The following CTNND2 variants were observed in gnomAD, a reference collection of about 807,000 sequenced individuals.
The protein encoded by CTNND2 is catenin delta 2.
In CTNND2, 22 loss-of-function variants were observed where a neutral mutation model predicts 144.4. The ratio of observed to expected loss-of-function variants is 0.15; its 90% CI spans 0.11 to 0.22. The LOEUF (loss-of-function observed/expected upper bound fraction) is 0.22, where lower values mean the gene tolerates loss of function less well. CTNND2 is among the 10% of genes least tolerant of loss of function. The pLI is 1.00. For synonymous variants in CTNND2, 751 were observed against 695.6 expected, an observed-to-expected ratio of 1.08 and a Z score of -1.25; for missense variants, 1,353 against 1,618.8, an observed-to-expected ratio of 0.84 and a Z score of 2.82.
At chr5:11,648,052 C>T (rs1782455884) in intron 2 of CTNND2, among the ~76,000 whole-genome samples, 1 of 151,946 alleles carries the variant, frequency 6.6e-6, no homozygotes, top group African/African-American at 2.4e-5. Flanking sequence ...TAGTACATTT[C>T]TATTCTATTG....
At chr5:11,719,430 C>G (rs944000280) in intron 2 of CTNND2, among the ~76,000 whole-genome samples, 2 of 151,756 alleles carry the variant, frequency 1.3e-5, no homozygotes, top group African/African-American at 4.9e-5. Flanking sequence ...CAAGTCCTTA[C>G]CTAGACTTGT....
At chr5:11,804,930 AGGT>A (rs1171147824) in intron 1 of CTNND2, among the ~76,000 whole-genome samples, 1 of 152,206 alleles carries the variant, frequency 6.6e-6, no homozygotes, top group Admixed American at 6.5e-5. Flanking sequence ...TCACTGAAGA[AGGT>A]GAGAAAAGAA....
intron 3 of CTNND2, among the ~76,000 whole-genome samples, chr5:11,484,932 T>C (rs1001074143): frequency 3.3e-5 from 5 of 152,176 alleles, no homozygotes; most frequent in East Asian, 1.9e-4. Flanking sequence ...GAGGTGAAAG[T>C]ATGAAAAATG....
At chr5:11,699,790 C>T (rs1163180660) in intron 2 of CTNND2, among the ~76,000 whole-genome samples, 1 of 152,180 alleles carries the variant, frequency 6.6e-6, no homozygotes, top group East Asian at 1.9e-4. Context: ...CTAACTTGTA[C>T]CTGTCCTGGA....
At chr5:11,539,035 T>C (rs773223228) in intron 3 of CTNND2, among the ~76,000 whole-genome samples, 1 of 152,210 alleles carries the variant, frequency 6.6e-6, no homozygotes, top group Non-Finnish European at 1.5e-5. Flanking sequence ...TTGCCATTAA[T>C]TGTTGCTCCC....
chr5:11,023,797 T>C (rs922420523), intron 16 of CTNND2, among the ~76,000 whole-genome samples: 3 of 152,234 alleles, frequency 2.0e-5, no homozygotes, highest in African/African-American at 7.2e-5. Context: ...TAATGACATA[T>C]TTATGGAGTA....
chr5:11,362,805 T>C (rs1451696509), intron 8 of CTNND2, among the ~76,000 whole-genome samples: 1 of 152,184 alleles, frequency 6.6e-6, no homozygotes, highest in Non-Finnish European at 1.5e-5. Context: ...TAGCTCTCCA[T>C]TGACCGCTTG....
At chr5:11,589,690 C>G (rs1199329435) in intron 2 of CTNND2, among the ~76,000 whole-genome samples, 1 of 152,124 alleles carries the variant, frequency 6.6e-6, no homozygotes, top group East Asian at 1.9e-4. Flanking sequence ...TTACCTGATT[C>G]TTTCTATTTT....
intron 3 of CTNND2, among the ~76,000 whole-genome samples, chr5:11,526,186 G>A (rs944237387): frequency 6.6e-6 from 1 of 152,172 alleles, no homozygotes; most frequent in Non-Finnish European, 1.5e-5. Context: ...ACAGACATGA[G>A]CCACCATGCC....
chr5:11,579,539 A>G (rs1486423907), intron 2 of CTNND2, among the ~76,000 whole-genome samples: 1 of 152,160 alleles, frequency 6.6e-6, no homozygotes, highest in African/African-American at 2.4e-5. Flanking sequence ...ATTCACATTT[A>G]ATCCATATTA....
chr5:11,259,239 T>C (rs1206526973), intron 9 of CTNND2, among the ~76,000 whole-genome samples: 1 of 152,182 alleles, frequency 6.6e-6, no homozygotes, highest in African/African-American at 2.4e-5. Flanking sequence ...CATGAGCCAA[T>C]TCTTTAAAAT....
chr5:11,433,170 C>T (rs866851973), intron 3 of CTNND2, among the ~76,000 whole-genome samples: 6 of 151,560 alleles, frequency 4.0e-5, no homozygotes, highest in East Asian at 3.9e-4. Context: ...GGCGTGAACC[C>T]GGGAGACAGA....
intron 1 of CTNND2, among the ~76,000 whole-genome samples, chr5:11,781,895 C>T (rs1317401047): frequency 6.6e-6 from 1 of 152,160 alleles, no homozygotes; most frequent in East Asian, 1.9e-4. Context: ...TTTAAATGTG[C>T]CTATACTTGG....
At chr5:11,676,184 T>C (rs982519982) in intron 2 of CTNND2, among the ~76,000 whole-genome samples, 26 of 152,086 alleles carry the variant, frequency 1.7e-4, no homozygotes, top group Admixed American at 1.7e-3. Context: ...TACTACCTTT[T>C]AGGTATAAAA....
At chr5:11,480,052 C>T (rs1039108754) in intron 3 of CTNND2, among the ~76,000 whole-genome samples, 1 of 152,134 alleles carries the variant, frequency 6.6e-6, no homozygotes, top group Non-Finnish European at 1.5e-5. Flanking sequence ...GTTGTGATTG[C>T]TTTTGGAGTC....
rs1238125802 is a variant in CTNND2, at chr5:11,007,861, T to C, written c.3084+10113A>G. On this transcript the variant is annotated intron_variant, in intron 18 of 21. Transcript: ENST00000304623. ...ACATCTCCGTAGCCTTTCTTCACTT[T>C]CGCACCGTGTAATGAAACTCGGCTT... 2.0e-5 allele frequency among the ~76,000 whole-genome samples: 3 copies of C among 152,240 alleles called. No homozygotes were observed. The East Asian group carries it at 5.8e-4, about 29-fold the overall frequency.
At chr5:11,510,701 C>T (rs27358) in intron 3 of CTNND2, among the ~76,000 whole-genome samples, 80,129 of 152,046 alleles carry the variant, frequency 0.53, 21,550 homozygotes, top group South Asian at 0.61. Context: ...GAGGCCAAGG[C>T]GGGCGGATCA....
At position 11,772,013 on chromosome 5, in the gene CTNND2, G is replaced by A. The variant is rs184310123; in HGVS notation, c.38-39741C>T. Among the ~76,000 whole-genome samples, 464 of 152,236 alleles carry A rather than the reference G, an allele frequency of 3.0e-3. 4 individuals carry two copies. Among genetic ancestry groups the A allele is most frequent in the Middle Eastern group, 0.01 (3 of 294 alleles). ...AAGGACAGTTACTTCATTGTTTTATGAGGCAAAAATGAACATTTTCCCCCA... is the reference window on the plus strand; with the variant it reads ...AAGGACAGTTACTTCATTGTTTTATAAGGCAAAAATGAACATTTTCCCCCA... On this transcript the variant is annotated intron_variant, in intron 1 of 21. Coordinates refer to ENST00000304623, the MANE Select transcript of CTNND2 (RefSeq NM_001332.4).
Position 11,110,112 on chromosome 5 carries a change from G to T in CTNND2, c.2463+746C>A, listed in dbSNP as rs114450029. On this transcript the variant is annotated intron_variant, in intron 14 of 21. Coordinates refer to ENST00000304623, the MANE Select transcript of CTNND2 (RefSeq NM_001332.4). ...CCTCCCATCGCTCCCTGTCCTGGTG[G>T]GGCCTGTGGTGAGGGGTTTGGTCTC... 8.5e-3 allele frequency among the ~76,000 whole-genome samples: 1,301 copies of T among 152,252 alleles called. 18 individuals carry two copies. The highest frequency in any genetic ancestry group is 0.028 in the African/African-American group (1,179 of 41,530).
Sources: allele counts gnomAD v4.1 joint callset (sites outside exome capture counted in the v4.1 genomes callset), GRCh38; gene constraint gnomAD v4.1.1; transcripts MANE v1.5; gene names NCBI Gene and HGNC (gene_info 2026-07-23, HGNC 2026-07-21).